The following OR9Q1 variants were observed in gnomAD, a reference collection of about 807,000 sequenced individuals.
OR9Q1 encodes olfactory receptor family 9 subfamily Q member 1.
For synonymous variants in OR9Q1, 153 were observed against 148.6 expected, an observed-to-expected ratio of 1.03 and a Z score of -0.22; for missense variants, 374 against 378.8, an observed-to-expected ratio of 0.99 and a Z score of 0.11.
rs77368737 is a variant in OR9Q1, at chr11:58,063,356, A to G, written c.-15+7409A>G. On this transcript the variant is annotated intron_variant, in intron 2 of 2. Coordinates refer to ENST00000335397, the MANE Select transcript of OR9Q1 (RefSeq NM_001005212.4). ...GAGATAATAAAAGAAGATAATAGCA[A>G]TAGGAAATACTGATATTGCACTTAC... Among the ~76,000 whole-genome samples the G allele has an allele frequency of 1.6e-4, 25 of 152,346 alleles. No individual in the cohort carries two copies. In the East Asian group the frequency reaches 4.2e-3, roughly 26 times the overall value.
chr11:58,036,888 A>G (rs935161088), intron 1 of OR9Q1, among the ~76,000 whole-genome samples: 1 of 152,250 alleles, frequency 6.6e-6, no homozygotes, highest in African/African-American at 2.4e-5. Context: ...CATTGTTGAA[A>G]TTACAATAAA....
intron 1 of OR9Q1, among the ~76,000 whole-genome samples, chr11:58,037,690 T>TATATATAGATA (rs1232679301): frequency 1.1e-4 from 1 of 9,354 alleles, no homozygotes. Flanking sequence ...TATATATATA[T>TATATATAGATA]TTTTTTTTTT....
At chr11:58,082,950 C>A (rs1028913849) in intron 2 of OR9Q1, among the ~76,000 whole-genome samples, 2 of 150,878 alleles carry the variant, frequency 1.3e-5, no homozygotes, top group African/African-American at 4.9e-5. Context: ...CCCCCCTTCC[C>A]CCACCCCACA....
intron 2 of OR9Q1, among the ~76,000 whole-genome samples, chr11:58,175,337 G>T (rs1854594956): frequency 6.6e-6 from 1 of 151,848 alleles, no homozygotes; most frequent in Non-Finnish European, 1.5e-5. Context: ...GTATCCCTTG[G>T]GCTCTCCTGC....
chr11:58,064,967 C>T (rs1349577157), intron 2 of OR9Q1, among the ~76,000 whole-genome samples: 1 of 151,956 alleles, frequency 6.6e-6, no homozygotes, highest in Non-Finnish European at 1.5e-5. Context: ...AGAAAGGCTG[C>T]AGTTTCCTAG....
chr11:58,110,359 C>A (rs896288031), intron 2 of OR9Q1, among the ~76,000 whole-genome samples: 1 of 152,132 alleles, frequency 6.6e-6, no homozygotes, highest in African/African-American at 2.4e-5. Flanking sequence ...CTTGTGAGCA[C>A]TTTCGTAATC....
intron 2 of OR9Q1, among the ~76,000 whole-genome samples, chr11:58,094,733 C>A (rs1853714668): frequency 6.6e-6 from 1 of 152,048 alleles, no homozygotes; most frequent in African/African-American, 2.4e-5. Flanking sequence ...TCTTTTTGAA[C>A]ACAAAAAATT....
At chr11:58,062,640 G>A (rs1052175026) in intron 2 of OR9Q1, among the ~76,000 whole-genome samples, 1 of 152,162 alleles carries the variant, frequency 6.6e-6, no homozygotes, top group Non-Finnish European at 1.5e-5. Flanking sequence ...TACCTGCTGT[G>A]CTGAATGAGA....
At chr11:58,158,175 G>A (rs925565631) in intron 2 of OR9Q1, among the ~76,000 whole-genome samples, 5 of 152,224 alleles carry the variant, frequency 3.3e-5, no homozygotes, top group African/African-American at 4.8e-5. Flanking sequence ...GATTCTTTCC[G>A]TCCTTCTTTA....
intron 2 of OR9Q1, among the ~76,000 whole-genome samples, chr11:58,114,175 A>G (rs1416913501): frequency 6.6e-6 from 1 of 152,114 alleles, no homozygotes; most frequent in Non-Finnish European, 1.5e-5. Flanking sequence ...AGAGCCTTGG[A>G]CCTCATAGGT....
At chr11:58,053,355 A>C (rs1218547109) in intron 1 of OR9Q1, among the ~76,000 whole-genome samples, 1 of 148,408 alleles carries the variant, frequency 6.7e-6, no homozygotes, top group South Asian at 2.1e-4. Context: ...AGGACAAAAA[A>C]CCAAACACCA....
chr11:58,098,295 A>T lies in OR9Q1; in HGVS notation c.-15+42348A>T, dbSNP rs541031145. Among the ~76,000 whole-genome samples, 3 of 152,318 alleles carry T rather than the reference A, an allele frequency of 2.0e-5. No homozygotes were observed. In the South Asian group the frequency reaches 6.2e-4, roughly 32 times the overall value. On this transcript the variant is annotated intron_variant, in intron 2 of 2. Coordinates refer to ENST00000335397, the MANE Select transcript of OR9Q1 (RefSeq NM_001005212.4). Reference sequence around the variant, plus strand: ...ATGACTCTTTAACAGATATGTGACTATTCAGATTCTATTTCTTCTTGTTTT... The same window carrying T: ...ATGACTCTTTAACAGATATGTGACTTTTCAGATTCTATTTCTTCTTGTTTT...
chr11:58,169,966 C>A (rs1854539525), intron 2 of OR9Q1, among the ~76,000 whole-genome samples: 2 of 151,906 alleles, frequency 1.3e-5, no homozygotes, highest in Non-Finnish European at 2.9e-5. Context: ...TTTTATGGCC[C>A]TCAGACTCCT....
chr11:58,179,240 G>A (rs558199482), intron 2 of OR9Q1, among the ~76,000 whole-genome samples, 191 bp from the exon 3 acceptor site: 2 of 152,130 alleles, frequency 1.3e-5, no homozygotes, highest in Non-Finnish European at 2.9e-5. Flanking sequence ...TGGCCAGGCT[G>A]GTCTCGAACT....
chr11:58,066,424 G>A (rs368068264), intron 2 of OR9Q1, among the ~76,000 whole-genome samples: 9 of 152,090 alleles, frequency 5.9e-5, no homozygotes, highest in Non-Finnish European at 8.8e-5. Flanking sequence ...TTGTCAGAGC[G>A]TCTGTGCCTG....
intron 2 of OR9Q1, among the ~76,000 whole-genome samples, chr11:58,123,984 C>T (rs987427917): frequency 6.6e-6 from 1 of 151,978 alleles, no homozygotes; most frequent in Non-Finnish European, 1.5e-5. Context: ...TCAATTTTTT[C>T]AATAATAAAA....
At chr11:58,043,381 C>A (rs946751033) in intron 1 of OR9Q1, among the ~76,000 whole-genome samples, 1 of 152,184 alleles carries the variant, frequency 6.6e-6, no homozygotes, top group Non-Finnish European at 1.5e-5. Flanking sequence ...CTGCTCCAAT[C>A]TCCCTCCTTT....
chr11:58,117,506 A>G (rs1248060560), intron 2 of OR9Q1: 1 of 152,236 alleles, frequency 6.6e-6, no homozygotes, highest in Non-Finnish European at 1.5e-5. Context: ...AATTCTTTCA[A>G]AAGGCTTTGG....
In OR9Q1 at chr11:58,029,073, C is replaced by A. The variant is rs1326092969; in HGVS notation, c.-93+4969C>A. Among the ~76,000 whole-genome samples the A allele has an allele frequency of 2.0e-5, 3 of 152,188 alleles. No homozygotes were observed. The South Asian group carries it at 6.2e-4, about 32-fold the overall frequency. On this transcript the variant is annotated intron_variant, in intron 1 of 2. Coordinates refer to ENST00000335397, the MANE Select transcript of OR9Q1 (RefSeq NM_001005212.4). ...TATAACTGCTTTATTTATGTTACTG[C>A]ATAACAAAGCAGCCTAAAACTTAGT...
Sources: allele counts gnomAD v4.1 joint callset (sites outside exome capture counted in the v4.1 genomes callset), GRCh38; gene constraint gnomAD v4.1.1; transcripts MANE v1.5; gene names NCBI Gene and HGNC (gene_info 2026-07-23, HGNC 2026-07-21).